VTI1A: variants seen among roughly 807,000 people sequenced by gnomAD.
The protein encoded by VTI1A is vesicle transport through interaction with t-SNAREs 1A.
Under a neutral mutation model 34.9 loss-of-function variants are expected in VTI1A, and 22 were observed. The ratio of observed to expected loss-of-function variants is 0.63; its 90% confidence interval spans 0.45 to 0.90. The LOEUF (loss-of-function observed/expected upper bound fraction) is 0.90. Ranked by LOEUF, VTI1A falls within the 40% of genes least tolerant of loss-of-function variation. The pLI, the probability that VTI1A is intolerant of heterozygous loss-of-function variation, is 0.00. For synonymous variants in VTI1A, 87 were observed against 97.3 expected, an observed-to-expected ratio of 0.89 and a Z score of 0.62; for missense variants, 268 against 275.6, an observed-to-expected ratio of 0.97 and a Z score of 0.20.
chr10:112,812,221 C>T (rs1177935002), intron 7 of VTI1A, among the ~76,000 whole-genome samples: 1 of 152,184 alleles, frequency 6.6e-6, no homozygotes, highest in Non-Finnish European at 1.5e-5. Context: ...AGTGTATATT[C>T]TTTCTTAAAT....
chr10:112,696,883 T>C (rs1466537970), intron 7 of VTI1A, among the ~76,000 whole-genome samples: 1 of 152,168 alleles, frequency 6.6e-6, no homozygotes, highest in Non-Finnish European at 1.5e-5. Context: ...TATTCAAAAA[T>C]TCTATGACCT....
At chr10:112,653,631 G>A (rs1200555272) in intron 5 of VTI1A, among the ~76,000 whole-genome samples, 3 of 152,114 alleles carry the variant, frequency 2.0e-5, no homozygotes, top group Admixed American at 6.5e-5. Flanking sequence ...GATTAAATAC[G>A]GTATCCATTA....
chr10:112,667,167 A>G (rs902256662), intron 5 of VTI1A, among the ~76,000 whole-genome samples: 6 of 152,132 alleles, frequency 3.9e-5, no homozygotes, highest in Non-Finnish European at 8.8e-5. Context: ...TGTTATTATT[A>G]TAATAGATGC....
chr10:112,838,621 C>G, the VTI1A span, among the ~76,000 whole-genome samples: 2 of 152,156 alleles, frequency 1.3e-5, no homozygotes, highest in Non-Finnish European at 2.9e-5. Context: ...AGACCCTTCA[C>G]TGCCCTTGCC....
chr10:112,506,026 T>C (rs573101096), intron 3 of VTI1A, among the ~76,000 whole-genome samples: 1 of 152,172 alleles, frequency 6.6e-6, no homozygotes, highest in Non-Finnish European at 1.5e-5. Flanking sequence ...TAGGTATGTA[T>C]ATACAGTCAT....
chr10:112,512,195 T>C (rs1849637142), intron 3 of VTI1A, among the ~76,000 whole-genome samples: 1 of 152,200 alleles, frequency 6.6e-6, no homozygotes, highest in South Asian at 2.1e-4. Flanking sequence ...TGTTCACTTT[T>C]CTCAGCATCC....
intron 7 of VTI1A, among the ~76,000 whole-genome samples, chr10:112,746,276 A>G (rs976903977): frequency 6.6e-6 from 1 of 152,212 alleles, no homozygotes; most frequent in African/African-American, 2.4e-5. Context: ...ATTTCTCAGC[A>G]TGCCCCAAGG....
intron 5 of VTI1A, among the ~76,000 whole-genome samples, chr10:112,608,827 T>C (rs1845184694): frequency 6.6e-6 from 1 of 152,186 alleles, no homozygotes; most frequent in Non-Finnish European, 1.5e-5. Flanking sequence ...TCTTGTTTCT[T>C]ATTCTACTCT....
At chr10:112,645,414 A>G (rs1393098851) in intron 5 of VTI1A, among the ~76,000 whole-genome samples, 1 of 152,208 alleles carries the variant, frequency 6.6e-6, no homozygotes, top group Non-Finnish European at 1.5e-5. Flanking sequence ...GCTGTGCAGG[A>G]TTCTTCTTGG....
intron 5 of VTI1A, among the ~76,000 whole-genome samples, chr10:112,592,104 A>G (rs1476236653): frequency 6.6e-6 from 1 of 152,196 alleles, no homozygotes; most frequent in Non-Finnish European, 1.5e-5. Context: ...CCAAGACCCC[A>G]GTCCTACAAT....
chr10:112,535,010 A>C (rs571479359), intron 4 of VTI1A, among the ~76,000 whole-genome samples: 1 of 152,314 alleles, frequency 6.6e-6, no homozygotes, highest in East Asian at 1.9e-4. Flanking sequence ...TTGACAGAAG[A>C]TTTATTTTTG....
intron 7 of VTI1A, among the ~76,000 whole-genome samples, chr10:112,712,098 C>T (rs1221017343): frequency 3.3e-5 from 5 of 152,156 alleles, no homozygotes; most frequent in South Asian, 2.1e-4. Context: ...ACCTAGTTCT[C>T]GTTCCCAGTC....
At chr10:112,804,130 C>T (rs1852981338) in intron 7 of VTI1A, among the ~76,000 whole-genome samples, 1 of 152,212 alleles carries the variant, frequency 6.6e-6, no homozygotes, top group South Asian at 2.1e-4. Flanking sequence ...CTGACAGGTA[C>T]TTGTTGGCTG....
In VTI1A at chr10:112,690,649, A is replaced by G. The variant is rs113477471; in HGVS notation, c.560+21651A>G. On this transcript the variant is annotated intron_variant, in intron 7 of 7. Transcript: ENST00000393077. The stretch of plus-strand genomic sequence containing the variant: ...TCCATCTTGCCATTTATAAGCTGTC[A>G]CTTTGGACTTCTCTCTGAATTCGCT... Among the ~76,000 whole-genome samples the G allele has an allele frequency of 7.4e-3, 1,134 of 152,318 alleles. 13 individuals carry two copies. Among genetic ancestry groups the G allele is most frequent in the African/African-American group, 0.026 (1,096 of 41,564 alleles).
intron 5 of VTI1A, among the ~76,000 whole-genome samples, chr10:112,543,555 G>T (rs1458812878): frequency 6.6e-6 from 1 of 152,136 alleles, no homozygotes; most frequent in Non-Finnish European, 1.5e-5. Context: ...ATTTGTTTAA[G>T]TTCTTTGTAG....
intron 3 of VTI1A, among the ~76,000 whole-genome samples, chr10:112,493,964 A>T (rs573263874): frequency 6.6e-6 from 1 of 152,240 alleles, no homozygotes; most frequent in East Asian, 1.9e-4. Context: ...CGGTAATGCT[A>T]GTCTCATAGA....
intron 4 of VTI1A, among the ~76,000 whole-genome samples, chr10:112,536,126 G>A (rs1335624278): frequency 6.6e-6 from 1 of 152,082 alleles, no homozygotes; most frequent in African/African-American, 2.4e-5. Context: ...TTATAAAAGT[G>A]GAAGTCCATT....
intron 3 of VTI1A, among the ~76,000 whole-genome samples, chr10:112,496,192 C>CCCCG (rs1554888915): frequency 8.7e-6 from 1 of 115,046 alleles, no homozygotes; most frequent in Non-Finnish European, 1.8e-5. Context: ...GAGACCCCCC[C>CCCCG]CCCCCCCCCG....
At chr10:112,774,978 C>T (rs1590173208) in intron 7 of VTI1A, among the ~76,000 whole-genome samples, 3 of 152,290 alleles carry the variant, frequency 2.0e-5, no homozygotes, top group East Asian at 1.9e-4. Context: ...CTTTCGACGC[C>T]TGAGAACAAT....
Sources: gnomAD v4.1 joint callset for allele counts (sites outside exome capture counted in the v4.1 genomes callset) on GRCh38, gnomAD v4.1.1 for gene constraint, MANE v1.5 for transcripts, NCBI Gene and HGNC (gene_info 2026-07-23, HGNC 2026-07-21) for gene names.